WFDC9: variants seen among roughly 807,000 people sequenced by gnomAD.
WFDC9 encodes protein WFDC9.
Under a neutral mutation model 9.5 loss-of-function variants are expected in WFDC9, and 9 were observed. The ratio of observed to expected loss-of-function variants is 0.95; its 90% CI spans 0.57 to 1.65. WFDC9 has a LOEUF of 1.65. Ranked by LOEUF, WFDC9 falls within the 40% of genes most tolerant of loss-of-function variation. WFDC9 has a pLI of 0.00. For missense variants in WFDC9, 87 were observed against 106.7 expected (o/e 0.82, Z 0.81); for synonymous variants, 33 against 32.3 (o/e 1.02, Z -0.07).
intron 1 of WFDC9, among the ~76,000 whole-genome samples, chr20:45,617,713 T>C (rs1982003752): frequency 1.3e-5 from 2 of 152,270 alleles, no homozygotes; most frequent in South Asian, 4.1e-4. Context: ...GGTCTCAAAC[T>C]ACTGGCTCAA....
At chr20:45,613,496 A>G (rs8114780) in intron 2 of WFDC9, among the ~76,000 whole-genome samples, 2,159 of 152,302 alleles carry the variant, frequency 0.014, 42 homozygotes, top group African/African-American at 0.049. Context: ...AGATGTATTG[A>G]CTTTTAGACA....
At chr20:45,609,458 C>T (rs1981808633) in intron 3 of WFDC9, among the ~76,000 whole-genome samples, 1 of 152,142 alleles carries the variant, frequency 6.6e-6, no homozygotes, top group African/African-American at 2.4e-5. Flanking sequence ...ACCTCAGCCT[C>T]CCAAAGTGCT....
At chr20:45,630,649 G>C (rs1286264433) in intron 1 of WFDC9, among the ~76,000 whole-genome samples, 2 of 152,060 alleles carry the variant, frequency 1.3e-5, no homozygotes, top group Non-Finnish European at 2.9e-5. Context: ...GGAAGCCCAG[G>C]CATTGTGGTC....
At chr20:45,623,920 C>T (rs1432054936) in intron 1 of WFDC9, among the ~76,000 whole-genome samples, 2 of 152,132 alleles carry the variant, frequency 1.3e-5, no homozygotes, top group Non-Finnish European at 2.9e-5. Flanking sequence ...CCACTGGGCA[C>T]AGTGGCTCAC....
chr20:45,613,273 C>A (rs1981900340), intron 2 of WFDC9, among the ~76,000 whole-genome samples: 1 of 152,182 alleles, frequency 6.6e-6, no homozygotes, highest in Non-Finnish European at 1.5e-5. Context: ...CCTTATTTCT[C>A]AGGCGCGGAG....
At chr20:45,619,730 T>A (rs1982052292) in intron 1 of WFDC9, among the ~76,000 whole-genome samples, 1 of 152,126 alleles carries the variant, frequency 6.6e-6, no homozygotes, top group African/African-American at 2.4e-5. Context: ...GTAACATGCA[T>A]GAAAAATAGC....
At chr20:45,620,594 A>G (rs74782732) in intron 1 of WFDC9, among the ~76,000 whole-genome samples, 1,943 of 152,312 alleles carry the variant, frequency 0.013, 42 homozygotes, top group African/African-American at 0.045. Flanking sequence ...TCTGTCTCAA[A>G]CAAAAAAAAC....
intron 1 of WFDC9, among the ~76,000 whole-genome samples, chr20:45,622,916 T>C (rs978198063): frequency 3.3e-5 from 5 of 152,208 alleles, no homozygotes; most frequent in African/African-American, 1.2e-4. Context: ...CTCATCCCAT[T>C]AACCAGCTCA....
intron 2 of WFDC9, among the ~76,000 whole-genome samples, chr20:45,610,951 T>C (rs1420965042): frequency 1.3e-5 from 2 of 152,214 alleles, no homozygotes; most frequent in African/African-American, 4.8e-5. Flanking sequence ...TAGAAGTCTA[T>C]GGGAACACAG....
intron 2 of WFDC9, among the ~76,000 whole-genome samples, chr20:45,611,030 A>G (rs903090690): frequency 2.0e-5 from 3 of 152,222 alleles, no homozygotes; most frequent in Non-Finnish European, 4.4e-5. Context: ...CTGTAGTAGC[A>G]GAGAAGAGGG....
intron 1 of WFDC9, among the ~76,000 whole-genome samples, chr20:45,623,937 T>C (rs1600922803): frequency 6.6e-6 from 1 of 152,084 alleles, no homozygotes; most frequent in South Asian, 2.1e-4. Context: ...TCACGCCTGT[T>C]ATCCCAGCAC....
chr20:45,625,974 A>T (rs1441563363), intron 1 of WFDC9, among the ~76,000 whole-genome samples: 1 of 151,614 alleles, frequency 6.6e-6, no homozygotes, highest in African/African-American at 2.4e-5. Flanking sequence ...GGTATGCACC[A>T]CCATGTTCGT....
chr20:45,624,859 A>G (rs1276396001), intron 1 of WFDC9, among the ~76,000 whole-genome samples: 1 of 151,948 alleles, frequency 6.6e-6, no homozygotes, highest in Non-Finnish European at 1.5e-5. Context: ...TTTTTTTCAT[A>G]TATTTGTTGG....
chr20:45,613,010 GA>G (rs1177485575), intron 2 of WFDC9, among the ~76,000 whole-genome samples: 1 of 152,216 alleles, frequency 6.6e-6, no homozygotes, highest in Non-Finnish European at 1.5e-5. Flanking sequence ...TATTTGTTCA[GA>G]AATTTTCAAT....
chr20:45,622,389 T>C (rs1408815620), intron 1 of WFDC9, among the ~76,000 whole-genome samples: 5 of 152,238 alleles, frequency 3.3e-5, no homozygotes, highest in Admixed American at 6.5e-5. Flanking sequence ...TCTGAGATCT[T>C]TAATAGTTCT....
intron 1 of WFDC9, among the ~76,000 whole-genome samples, chr20:45,615,815 G>A (rs1034991674): frequency 1.3e-5 from 2 of 152,060 alleles, no homozygotes; most frequent in Non-Finnish European, 2.9e-5. Context: ...TATTAAAAAG[G>A]TATGTTTACA....
chr20:45,627,456 TG>T (rs746688480), intron 1 of WFDC9, among the ~76,000 whole-genome samples: 9 of 152,236 alleles, frequency 5.9e-5, no homozygotes, highest in Non-Finnish European at 1.2e-4. Flanking sequence ...TCTGGACTTT[TG>T]TTTCAGGGGA....
At chr20:45,620,457 T>G (rs1982071786) in intron 1 of WFDC9, among the ~76,000 whole-genome samples, 1 of 152,090 alleles carries the variant, frequency 6.6e-6, no homozygotes, top group South Asian at 2.1e-4. Flanking sequence ...CTGGGTGCGG[T>G]GGCACACACC....
At chr20:45,612,727 A>G (rs1297444996) in intron 2 of WFDC9, among the ~76,000 whole-genome samples, 1 of 152,222 alleles carries the variant, frequency 6.6e-6, no homozygotes, top group African/African-American at 2.4e-5. Context: ...CACTATTAAG[A>G]CTACTTTTTA....
Sources: allele counts gnomAD v4.1 joint callset (sites outside exome capture counted in the v4.1 genomes callset), GRCh38; gene constraint gnomAD v4.1.1; transcripts MANE v1.5; gene names NCBI Gene and HGNC (gene_info 2026-07-23, HGNC 2026-07-21).